Variants in CDH20 observed in about 807,000 individuals in gnomAD.
CDH20 encodes the protein cadherin-20.
A neutral mutation model predicts 74.2 loss-of-function variants in CDH20; 29 were observed. The ratio of observed to expected loss-of-function variants is 0.39; its 90% CI spans 0.29 to 0.53. The LOEUF (loss-of-function observed/expected upper bound fraction) is 0.53. Ranked by LOEUF, CDH20 falls within the 20% of genes least tolerant of loss-of-function variation. CDH20 has a pLI of 0.69. For synonymous variants in CDH20, 469 were observed against 405.4 expected (o/e 1.16, Z -1.88); for missense variants, 988 against 1,048.3 (o/e 0.94, Z 0.79).
At chr18:61,540,381 A>G (rs902778524) in intron 9 of CDH20, among the ~76,000 whole-genome samples, 1 of 152,176 alleles carries the variant, frequency 6.6e-6, no homozygotes, top group African/African-American at 2.4e-5. Flanking sequence ...TGATAAAGAC[A>G]TACCCAAGAC....
chr18:61,357,278 G>T (rs1568108682), intron 1 of CDH20, among the ~76,000 whole-genome samples: 2 of 152,126 alleles, frequency 1.3e-5, no homozygotes, highest in Non-Finnish European at 2.9e-5. Flanking sequence ...ACAGAATCTG[G>T]CCCTAACCAT....
At chr18:61,540,231 C>T (rs896520700) in intron 9 of CDH20, among the ~76,000 whole-genome samples, 1 of 152,146 alleles carries the variant, frequency 6.6e-6, no homozygotes, top group Non-Finnish European at 1.5e-5. Flanking sequence ...GATGCTGGTG[C>T]TGGATCAATG....
chr18:61,414,218 G>C (rs1912610435), intron 1 of CDH20, among the ~76,000 whole-genome samples: 1 of 152,110 alleles, frequency 6.6e-6, no homozygotes, highest in Non-Finnish European at 1.5e-5. Context: ...AGACAAGTAA[G>C]GAACAGATGC....
intron 1 of CDH20, among the ~76,000 whole-genome samples, chr18:61,462,559 T>C (rs556267271): frequency 6.6e-6 from 1 of 152,292 alleles, no homozygotes; most frequent in Admixed American, 6.5e-5. Context: ...TTCTCAGTGA[T>C]GGAATATAGC....
chr18:61,339,681 A>ATT (rs898945778), intron 1 of CDH20, among the ~76,000 whole-genome samples: 2,302 of 88,362 alleles, frequency 0.026, 110 homozygotes, highest in African/African-American at 0.047. Flanking sequence ...GGTCATAGAA[A>ATT]TTTTTTTTTT....
intron 7 of CDH20, among the ~76,000 whole-genome samples, chr18:61,528,857 C>G (rs1912542581): frequency 6.6e-6 from 1 of 152,168 alleles, no homozygotes; most frequent in Non-Finnish European, 1.5e-5. Flanking sequence ...ACAATATATA[C>G]TACATATATT....
chr18:61,432,422 A>G (rs1913289523), intron 1 of CDH20, among the ~76,000 whole-genome samples: 1 of 152,076 alleles, frequency 6.6e-6, no homozygotes, highest in Non-Finnish European at 1.5e-5. Context: ...GCAGTTAAAC[A>G]GGGTACTTTT....
At position 61,555,245 on chromosome 18, in the gene CDH20, C is replaced by T. The variant is rs937308186; in HGVS notation, c.*550C>T. On this transcript the variant is annotated 3_prime_UTR_variant, in exon 12 of 12. Transcript: ENST00000262717. ...GGAATTTCCCGTAACCCTTTTGAGA[C>T]AAGGTTAAGACTGAATCAGCCTTGC... 3.2e-6 allele frequency: 3 copies of T among 949,188 alleles called. No homozygotes were observed. The African/African-American group carries it at 6.6e-5, about 21-fold the overall frequency. 58.8% of individuals were successfully genotyped at this position (949,188 alleles called of 1,614,324 possible). A position where few individuals can be genotyped will look rare whatever the true frequency, so the allele number is the denominator to read the frequency against.
intron 1 of CDH20, among the ~76,000 whole-genome samples, chr18:61,446,588 C>T (rs1826237509): frequency 1.3e-5 from 2 of 152,104 alleles, no homozygotes; most frequent in Admixed American, 1.3e-4. Context: ...TCTTTCTTTT[C>T]CACAATTTCC....
intron 1 of CDH20, chr18:61,404,959 C>T (rs879072479): frequency 1.3e-5 from 9 of 709,968 alleles, no homozygotes; most frequent in South Asian, 6.9e-5. Context: ...CCTCATGCTG[C>T]GCCCAGTTCA....
intron 6 of CDH20, among the ~76,000 whole-genome samples, chr18:61,525,720 A>G (rs1452520095): frequency 6.6e-6 from 1 of 152,192 alleles, no homozygotes. Flanking sequence ...AACAAAAAAA[A>G]CTTTATTAAA....
intron 1 of CDH20, among the ~76,000 whole-genome samples, chr18:61,346,928 C>T (rs1274164932): frequency 6.6e-6 from 1 of 151,970 alleles, no homozygotes; most frequent in East Asian, 1.9e-4. Flanking sequence ...CCAGCATGTC[C>T]GTCTGGGGTG....
At chr18:61,357,652 A>T (rs1910537099) in intron 1 of CDH20, among the ~76,000 whole-genome samples, 1 of 152,188 alleles carries the variant, frequency 6.6e-6, no homozygotes. Flanking sequence ...CAGGAAAACA[A>T]TTGTTTTCCT....
chr18:61,526,121 CTTTTTTTTTTTTTT>C (rs765492185), intron 6 of CDH20, among the ~76,000 whole-genome samples: 1 of 90,208 alleles, frequency 1.1e-5, no homozygotes, highest in Non-Finnish European at 2.1e-5. Context: ...AAAAAGTTGA[CTTTTTTTTTTTTTT>C]TTTTTTTTTT....
At chr18:61,462,609 CA>C (rs1909820665) in intron 1 of CDH20, among the ~76,000 whole-genome samples, 2 of 150,174 alleles carry the variant, frequency 1.3e-5, no homozygotes, top group Non-Finnish European at 3.0e-5. Flanking sequence ...CTCTCTGCTC[CA>C]AAAATTGAAA....
chr18:61,552,932 T>G (rs1913485030), intron 11 of CDH20, among the ~76,000 whole-genome samples: 1 of 152,108 alleles, frequency 6.6e-6, no homozygotes, highest in South Asian at 2.1e-4. Context: ...ATTAGTCTCT[T>G]TTTCTCTAGG....
intron 11 of CDH20, among the ~76,000 whole-genome samples, chr18:61,550,593 C>G (rs1463451248): frequency 6.6e-6 from 1 of 152,196 alleles, no homozygotes; most frequent in Non-Finnish European, 1.5e-5. Context: ...ATTTGATGAT[C>G]ACCTCTTCTA....
intron 1 of CDH20, among the ~76,000 whole-genome samples, chr18:61,419,085 A>T (rs1912792883): frequency 6.6e-6 from 1 of 152,136 alleles, no homozygotes; most frequent in African/African-American, 2.4e-5. Context: ...TCTTTTTAAG[A>T]CAGGATCTTG....
chr18:61,482,801 A>G (rs1220679646), intron 1 of CDH20, among the ~76,000 whole-genome samples: 2 of 152,110 alleles, frequency 1.3e-5, no homozygotes, highest in Non-Finnish European at 2.9e-5. Flanking sequence ...CTGGCCCAAC[A>G]TTACTTTGGC....
Sources: allele counts gnomAD v4.1 joint callset (sites outside exome capture counted in the v4.1 genomes callset), GRCh38; gene constraint gnomAD v4.1.1; transcripts MANE v1.5; gene names NCBI Gene and HGNC (gene_info 2026-07-23, HGNC 2026-07-21).